ABCA12: variants seen among roughly 807,000 people sequenced by gnomAD.
ABCA12 encodes ATP binding cassette subfamily A member 12.
Under a neutral mutation model 293.5 loss-of-function variants are expected in ABCA12, and 156 were observed. The observed-to-expected ratio is 0.53, with a 90% CI of 0.47 to 0.61. The LOEUF is 0.61. ABCA12 is among the 20% of genes least tolerant of loss of function. The pLI is 0.00. For synonymous variants in ABCA12, 1,063 were observed against 1,108.0 expected, an observed-to-expected ratio of 0.96 and a Z score of 0.81; for missense variants, 2,797 against 3,090.2, an observed-to-expected ratio of 0.91 and a Z score of 2.25.
At chr2:214,952,924 T>A (rs1246568010) in intron 44 of ABCA12, among the ~76,000 whole-genome samples, 1 of 152,210 alleles carries the variant, frequency 6.6e-6, no homozygotes, top group African/African-American at 2.4e-5. Flanking sequence ...TTACTTAACA[T>A]TGTATTTTTC....
chr2:215,132,633 A>C (rs1420306213), intron 1 of ABCA12, among the ~76,000 whole-genome samples: 1 of 151,310 alleles, frequency 6.6e-6, no homozygotes, highest in Non-Finnish European at 1.5e-5. Flanking sequence ...ATGCATCTTT[A>C]CTCAGTAGGT....
At chr2:215,055,935 G>T (rs527936544) in intron 3 of ABCA12, among the ~76,000 whole-genome samples, 1 of 152,126 alleles carries the variant, frequency 6.6e-6, no homozygotes, top group East Asian at 1.9e-4. Context: ...TTCTCAAAAA[G>T]AAGTTTTAGA....
At chr2:215,014,367 T>C (rs1319269286) in intron 15 of ABCA12, among the ~76,000 whole-genome samples, 1 of 148,866 alleles carries the variant, frequency 6.7e-6, no homozygotes, top group Non-Finnish European at 1.5e-5. Flanking sequence ...AAAAAAAAAA[T>C]AGCCTTGCAA....
chr2:215,112,406 G>A (rs1462865922), intron 1 of ABCA12, among the ~76,000 whole-genome samples: 1 of 133,846 alleles, frequency 7.5e-6, no homozygotes, highest in Non-Finnish European at 1.6e-5. Context: ...GTGTCTTATT[G>A]ATACCTAAAT....
intron 27 of ABCA12, 121 bp downstream of exon 27, chr2:214,987,526 T>G (rs1161300591): frequency 6.1e-6 from 8 of 1,302,534 alleles, no homozygotes; most frequent in Non-Finnish European, 8.3e-6. Context: ...GTAGACATTT[T>G]CATCCATGAC....
chr2:215,029,093 A>G (rs187881812), intron 9 of ABCA12: 209 of 152,340 alleles, frequency 1.4e-3, no homozygotes, highest in African/African-American at 4.8e-3. Context: ...TTATTTGGCT[A>G]TAGTGATAAG....
chr2:215,134,235 T>C (rs1002573311), intron 1 of ABCA12, among the ~76,000 whole-genome samples: 22 of 135,144 alleles, frequency 1.6e-4, no homozygotes, highest in Admixed American at 2.9e-4. Context: ...CATATATATA[T>C]GTATATGTGT....
chr2:215,059,177 A>G (rs1486879401), intron 3 of ABCA12, among the ~76,000 whole-genome samples: 2 of 152,046 alleles, frequency 1.3e-5, no homozygotes, highest in African/African-American at 4.8e-5. Flanking sequence ...TTACATGGGT[A>G]TGTAGTGGCA....
chr2:215,004,250 C>G lies in ABCA12; in HGVS notation c.2642G>C (p.Gly881Ala). 1 of 1,613,870 alleles carries G rather than the reference C, an allele frequency of 6.2e-7. No individual in the cohort carries two copies. Among genetic ancestry groups the G allele is most frequent in the East Asian group, 2.2e-5 (1 of 44,856 alleles). Residue 881 changes from glycine (G) to alanine (A), a missense_variant, in exon 20 of 53, where the codon GGA becomes GCA. Transcript: ENST00000272895. ...TTTCAATAGTTCAACAGCATCGAGT[C>G]CCACGGAGAACTTTACAAAAACTTG... ...FVQVFVKFSV[G>A]LDAVELLKQI...
intron 38 of ABCA12, among the ~76,000 whole-genome samples, chr2:214,968,416 G>A (rs1699312089): frequency 6.6e-6 from 1 of 152,040 alleles, no homozygotes; most frequent in Admixed American, 6.6e-5. Flanking sequence ...TTCCATTGCT[G>A]AAAGTTTTAT....
intron 7 of ABCA12, among the ~76,000 whole-genome samples, chr2:215,040,891 G>T (rs1701086370): frequency 1.3e-5 from 2 of 152,148 alleles, no homozygotes; most frequent in African/African-American, 2.4e-5. Context: ...AAAAAAGGGG[G>T]GGTGTGAATA....
chr2:215,039,222 C>T (rs1701048430), intron 7 of ABCA12, among the ~76,000 whole-genome samples: 1 of 151,922 alleles, frequency 6.6e-6, no homozygotes, highest in African/African-American at 2.4e-5. Flanking sequence ...TTATATACAA[C>T]ATACAATGTA....
chr2:215,114,569 T>A (rs1232205373), intron 1 of ABCA12, among the ~76,000 whole-genome samples: 2 of 152,180 alleles, frequency 1.3e-5, no homozygotes, highest in Non-Finnish European at 2.9e-5. Context: ...TTCTTTTTTT[T>A]ATAATTATTG....
intron 2 of ABCA12, among the ~76,000 whole-genome samples, chr2:215,098,155 T>C (rs1702285441): frequency 6.6e-6 from 1 of 152,218 alleles, no homozygotes; most frequent in Admixed American, 6.5e-5. Context: ...GGCATCCTAA[T>C]TCATTTGTTT....
intron 43 of ABCA12, 128 bp downstream of exon 43, chr2:214,955,074 G>A (rs1470647962): frequency 1.7e-6 from 2 of 1,198,876 alleles, no homozygotes; most frequent in Non-Finnish European, 2.4e-6. Flanking sequence ...TTTAAAAGCT[G>A]TAGTTTCTCC....
intron 29 of ABCA12, among the ~76,000 whole-genome samples, chr2:214,983,127 T>G (rs1261828245): frequency 6.6e-6 from 1 of 151,066 alleles, no homozygotes; most frequent in Non-Finnish European, 1.5e-5. Flanking sequence ...TTGAGCAGAG[T>G]GAATGTGGAG....
chr2:214,988,977 G>A (rs927765929), intron 26 of ABCA12, among the ~76,000 whole-genome samples: 2 of 151,074 alleles, frequency 1.3e-5, no homozygotes, highest in African/African-American at 2.4e-5. Context: ...TCAGAAGCTC[G>A]AGAGCAGCCT....
At chr2:215,043,947 G>T (rs1701152944) in intron 7 of ABCA12, among the ~76,000 whole-genome samples, 1 of 151,886 alleles carries the variant, frequency 6.6e-6, no homozygotes, top group African/African-American at 2.4e-5. Flanking sequence ...TTGTTTTGAT[G>T]TTTTTGCCAG....
At chr2:215,029,682 A>G (rs1700831164) in intron 9 of ABCA12, among the ~76,000 whole-genome samples, 1 of 152,220 alleles carries the variant, frequency 6.6e-6, no homozygotes, top group South Asian at 2.1e-4. Context: ...TAGACTTAGT[A>G]TACTCCAAAA....
Sources: allele counts gnomAD v4.1 joint callset (sites outside exome capture counted in the v4.1 genomes callset), GRCh38; gene constraint gnomAD v4.1.1; transcripts MANE v1.5; gene names NCBI Gene and HGNC (gene_info 2026-07-23, HGNC 2026-07-21).